Variants in BIVM observed in about 807,000 individuals in gnomAD.
BIVM encodes the protein basic, immunoglobulin-like variable motif containing, also known as basic immunoglobulin-like variable motif-containing protein.
BIVM carries 31 observed loss-of-function variants against 61.4 expected under a neutral mutation model. The observed-to-expected ratio is 0.51, with a 90% confidence interval of 0.38 to 0.68. BIVM has a LOEUF of 0.68. BIVM is among the 30% of genes least tolerant of loss of function. The pLI is 0.00. For missense variants in BIVM, 526 were observed against 596.0 expected, an observed-to-expected ratio of 0.88 and a Z score of 1.22; for synonymous variants, 189 against 210.7, an observed-to-expected ratio of 0.90 and a Z score of 0.89.
intron 3 of BIVM, among the ~76,000 whole-genome samples, chr13:102,810,906 T>C (rs1343541083): frequency 6.6e-6 from 1 of 152,090 alleles, no homozygotes; most frequent in South Asian, 2.1e-4. Context: ...TTTTTAATAT[T>C]TTTTTGTAGA....
intron 7 of BIVM, among the ~76,000 whole-genome samples, chr13:102,828,159 C>T (rs921255046): frequency 6.6e-6 from 1 of 152,056 alleles, no homozygotes; most frequent in African/African-American, 2.4e-5. Context: ...AAAGTGAAGT[C>T]CAGGGATTTT....
At position 102,831,938 on chromosome 13, in the gene BIVM, G is replaced by A. The variant is rs113463143; in HGVS notation, c.1034+241G>A. ...CAGGCGCCTGTAGTCCCAGCTACTC[G>A]GGAGGCTGAGGGAGGAGAATGGCGT... On this transcript the variant is annotated intron_variant, in intron 8 of 10. Coordinates refer to ENST00000257336, the MANE Select transcript of BIVM (RefSeq NM_017693.4). Among the ~76,000 whole-genome samples, 497 of 150,862 alleles carry A rather than the reference G, an allele frequency of 3.3e-3. 5 individuals are homozygous for A. The highest frequency in any genetic ancestry group is 0.017 in the East Asian group (86 of 5,116).
chr13:102,809,817 G>A (rs1465734303), intron 3 of BIVM, among the ~76,000 whole-genome samples: 4 of 138,264 alleles, frequency 2.9e-5, no homozygotes, highest in Admixed American at 7.8e-5. Context: ...ACAGAGTCTC[G>A]CTCTGTCGCC....
intron 3 of BIVM, among the ~76,000 whole-genome samples, chr13:102,812,196 T>C (rs78523220): frequency 0.05 from 7,579 of 152,292 alleles, 207 homozygotes; most frequent in Middle Eastern, 0.071. Flanking sequence ...TCAGTTATTA[T>C]ATTTTTCAGC....
intron 2 of BIVM, among the ~76,000 whole-genome samples, chr13:102,806,128 C>T (rs745364663): frequency 3.0e-4 from 46 of 152,120 alleles, no homozygotes; most frequent in Admixed American, 3.9e-4. Flanking sequence ...GATTTCTCCA[C>T]GTCCTCACCA....
At chr13:102,831,325 G>A (rs1333400640) in intron 7 of BIVM, among the ~76,000 whole-genome samples, 1 of 152,176 alleles carries the variant, frequency 6.6e-6, no homozygotes, top group East Asian at 1.9e-4. Context: ...TGGTAAGCAA[G>A]GACATATTTT....
At chr13:102,825,457 ACAGGCTG>A (rs777960579) in intron 7 of BIVM, among the ~76,000 whole-genome samples, 5 of 152,138 alleles carry the variant, frequency 3.3e-5, no homozygotes, top group South Asian at 4.1e-4. Flanking sequence ...CCATTTCAAC[ACAGGCTG>A]CAGTCTGGAG....
At position 102,835,595 on chromosome 13, in the gene BIVM, G is replaced by A. The variant is rs533182584; in HGVS notation, c.1121+1043G>A. On this transcript the variant is annotated intron_variant, in intron 9 of 10. Transcript: ENST00000257336. Reference sequence around the variant, plus strand: ...GTCACTTAGGTGGGAGTGCAGTGGTGTGATGTCAGCTCACTGAACCTTCAT... The same window carrying A: ...GTCACTTAGGTGGGAGTGCAGTGGTATGATGTCAGCTCACTGAACCTTCAT... Among the ~76,000 whole-genome samples, 256 of 152,238 alleles carry A rather than the reference G, an allele frequency of 1.7e-3. 2 individuals carry two copies. The highest frequency in any genetic ancestry group is 0.01 in the Middle Eastern group (3 of 294).
chr13:102,828,305 T>G (rs1248900874), intron 7 of BIVM, among the ~76,000 whole-genome samples: 1 of 152,160 alleles, frequency 6.6e-6, no homozygotes, highest in African/African-American at 2.4e-5. Flanking sequence ...GCCACCAACA[T>G]TTGCACCAGG....
intron 4 of BIVM, chr13:102,820,513 A>G (rs1487294144): frequency 6.4e-6 from 1 of 156,186 alleles, no homozygotes; most frequent in African/African-American, 2.4e-5. Flanking sequence ...AGTGCCACTG[A>G]ATCATGCCAT....
intron 7 of BIVM, among the ~76,000 whole-genome samples, chr13:102,825,548 G>A (rs997240394): frequency 6.6e-6 from 1 of 152,208 alleles, no homozygotes; most frequent in African/African-American, 2.4e-5. Context: ...TGAGCATGGT[G>A]TTTGAGGGAC....
intron 3 of BIVM, among the ~76,000 whole-genome samples, chr13:102,811,919 T>A (rs901322058): frequency 3.9e-5 from 6 of 152,248 alleles, no homozygotes; most frequent in African/African-American, 1.4e-4. Flanking sequence ...TCATGTTTTT[T>A]AAATCAAATT....
chr13:102,821,119 A>G lies in BIVM; in HGVS notation c.688A>G (p.Met230Val). Residue 230 changes from methionine (M) to valine (V), a missense_variant, in exon 5 of 11, where the codon ATG (methionine) becomes GTG (valine). This residue lies in a region of BIVM where 312 missense variants were observed against 343.8 expected (regional missense o/e 0.91). Transcript: ENST00000257336. ...ISCWNFLYST[M>V]GAGNLPPITQ... ...TTGTTGGAATTTCTTATACAGCACA[A>G]TGGGAGCTGGAAAGTAAGTATGTCA... is the stretch of plus-strand genomic sequence containing the variant. The G allele has an allele frequency of 1.2e-6, 2 of 1,612,406 alleles. No individual in the cohort carries two copies. Among genetic ancestry groups the G allele is most frequent in the Non-Finnish European group, 1.7e-6 (2 of 1,179,600 alleles).
At chr13:102,808,519 A>C (rs1879259600) in intron 3 of BIVM, among the ~76,000 whole-genome samples, 1 of 152,132 alleles carries the variant, frequency 6.6e-6, no homozygotes, top group African/African-American at 2.4e-5. Flanking sequence ...GTTTATCTGC[A>C]AAATCAATTT....
intron 8 of BIVM, among the ~76,000 whole-genome samples, chr13:102,833,094 T>TA (rs1376905240): frequency 1.3e-5 from 2 of 151,400 alleles, no homozygotes; most frequent in Non-Finnish European, 2.9e-5. Flanking sequence ...CCCTGTCTCT[T>TA]AAAAAAATAC....
chr13:102,815,385 A>T (rs1287226238), intron 3 of BIVM, among the ~76,000 whole-genome samples: 3 of 152,206 alleles, frequency 2.0e-5, no homozygotes, highest in Non-Finnish European at 4.4e-5. Flanking sequence ...AAAGTATTTG[A>T]GCATAGCTAT....
rs1187383317 is a variant in BIVM at position 102,821,791 on chromosome 13, A to G, written c.750A>G (p.Gln250=). 1 of 1,614,080 alleles carries G rather than the reference A, an allele frequency of 6.2e-7. No homozygotes were observed. Among genetic ancestry groups the G allele is most frequent in the East Asian group, 2.2e-5 (1 of 44,858 alleles). ...AAGCTTTACATATTCTGGGCTTTCA[A>G]CCTCCATTTGAAGATATTAGGTTTG... is the stretch of plus-strand genomic sequence containing the variant. ...QEEALHILGF[Q]PPFEDIRFGP... Residue 250 remains glutamine, a synonymous_variant, in exon 6 of 11, where the codon CAA becomes CAG. Coordinates refer to ENST00000257336, the MANE Select transcript of BIVM (RefSeq NM_017693.4).
intron 3 of BIVM, among the ~76,000 whole-genome samples, chr13:102,813,754 C>A (rs1879661830): frequency 6.6e-6 from 1 of 152,130 alleles, no homozygotes; most frequent in Non-Finnish European, 1.5e-5. Flanking sequence ...TGAACTAAAA[C>A]TGTAAATTCT....
intron 4 of BIVM, among the ~76,000 whole-genome samples, chr13:102,818,456 A>C (rs561685945): frequency 1.3e-5 from 2 of 152,364 alleles, no homozygotes; most frequent in African/African-American, 2.4e-5. Flanking sequence ...TATGTAGGGA[A>C]TAATGGAGAA....
Sources: allele counts gnomAD v4.1 joint callset (sites outside exome capture counted in the v4.1 genomes callset), GRCh38; gene constraint gnomAD v4.1.1; regional missense constraint gnomAD v4.1.1; transcripts MANE v1.5; gene names NCBI Gene and HGNC (gene_info 2026-07-23, HGNC 2026-07-21).